ICE1: variants seen among roughly 807,000 people sequenced by gnomAD.
The protein encoded by ICE1 is little elongation complex subunit 1.
A neutral mutation model predicts 192.7 loss-of-function variants in ICE1; 64 were observed. The observed-to-expected ratio is 0.33, with a 90% confidence interval of 0.27 to 0.41. The LOEUF is 0.41. Ranked by LOEUF, ICE1 falls within the 10% of genes least tolerant of loss-of-function variation. The pLI is 1.00. For synonymous variants in ICE1, 1,010 were observed against 984.5 expected (o/e 1.03, Z -0.49); for missense variants, 2,708 against 2,696.0 (o/e 1.00, Z -0.10).
chr5:5,452,024 C>A (rs1579554988), intron 10 of ICE1, among the ~76,000 whole-genome samples: 1 of 151,966 alleles, frequency 6.6e-6, no homozygotes, highest in East Asian at 1.9e-4. Flanking sequence ...ATGTTGTGAT[C>A]ATCTCAATTC....
At position 5,475,629 on chromosome 5, in the gene ICE1, CAG is replaced by C. The variant is rs1027556700; in HGVS notation, c.6414-343_6414-342del. 1.3e-4 allele frequency among the ~76,000 whole-genome samples: 20 copies of C among 152,312 alleles called. No homozygotes were observed. In the East Asian group the frequency reaches 2.1e-3, roughly 16 times the overall value. ...GCCGGATAACTTGGCTTCTAAAACA[CAG>C]GGGCTGCTTTTGCACCTGGAGAGTC... On this transcript the variant is annotated intron_variant, in intron 16 of 18. Transcript: ENST00000296564.
chr5:5,468,568 G>A (rs1167614002), intron 14 of ICE1, among the ~76,000 whole-genome samples: 2 of 152,164 alleles, frequency 1.3e-5, no homozygotes, highest in Non-Finnish European at 2.9e-5. Context: ...CAAAACCTAT[G>A]TAATGCAAAA....
rs747811719 is a variant in ICE1 at position 5,465,143 on chromosome 5, G to A, written c.5809G>A (p.Val1937Met). The change falls in exon 13 of 19, where the codon GTG becomes ATG. Residue 1937 changes from valine (V) to methionine (M), a missense_variant. By Grantham distance (21) the Val-to-Met change is conservative. Around this residue, in one of 2 missense-constraint regions of ICE1, gnomAD observed 342 missense variants for 419.3 expected, o/e 0.82. Transcript: ENST00000296564. Reference sequence around the variant, plus strand: ...TCTGTTACCTGTCATTCGTAGTCATGTGTATGTGGGAAATATCTCCAAAAA... The same window carrying A: ...TCTGTTACCTGTCATTCGTAGTCATATGTATGTGGGAAATATCTCCAAAAA... ...FDLLPVIRSH[V>M]YVGNISKKPV... The A allele has an allele frequency of 3.7e-6, 6 of 1,610,048 alleles. No individual in the cohort carries two copies. Among genetic ancestry groups the A allele is most frequent in the South Asian group, 1.1e-5 (1 of 90,182 alleles).
chr5:5,473,057 C>A (rs1371813247), intron 15 of ICE1, among the ~76,000 whole-genome samples: 1 of 152,152 alleles, frequency 6.6e-6, no homozygotes. Flanking sequence ...TCAAACTACT[C>A]TTTCATGCAA....
chr5:5,463,344 C>A lies in ICE1; in HGVS notation c.4010C>A (p.Pro1337His), dbSNP rs748577184. Residue 1337 changes from proline (P) to histidine (H), a missense_variant, in exon 13 of 19, where the codon CCT becomes CAT. Coordinates refer to ENST00000296564, the MANE Select transcript of ICE1 (RefSeq NM_015325.3). The part of the protein sequence containing the change: ...TEGSSPISGM[P>H]QNENPQSRPE... Reference sequence around the variant, plus strand: ...GGCAGCTCTCCCATCAGCGGTATGCCTCAGAATGAAAACCCTCAGAGCAGA... The same window carrying A: ...GGCAGCTCTCCCATCAGCGGTATGCATCAGAATGAAAACCCTCAGAGCAGA... The A allele has an allele frequency of 6.2e-7, 1 of 1,613,718 alleles. No individual in the cohort carries two copies.
At chr5:5,450,351 G>A (rs1220750523) in intron 10 of ICE1, among the ~76,000 whole-genome samples, 1 of 152,172 alleles carries the variant, frequency 6.6e-6, no homozygotes, top group East Asian at 1.9e-4. Flanking sequence ...TGATCCTAGA[G>A]ACTGAATCCT....
chr5:5,425,244 C>G (rs1737486905), intron 1 of ICE1, among the ~76,000 whole-genome samples: 1 of 152,132 alleles, frequency 6.6e-6, no homozygotes, highest in Non-Finnish European at 1.5e-5. Flanking sequence ...TCCTTCTACC[C>G]TTGCCACATT....
Position 5,468,825 on chromosome 5 carries a change from T to C in ICE1, c.6062-3T>C. The C allele has an allele frequency of 6.4e-7, 1 of 1,553,048 alleles. No homozygotes were observed. Among genetic ancestry groups the C allele is most frequent in the Non-Finnish European group, 8.7e-7 (1 of 1,143,976 alleles). On this transcript the variant is annotated splice_region_variant and splice_polypyrimidine_tract_variant and intron_variant, in intron 14 of 18. Coordinates refer to ENST00000296564, the MANE Select transcript of ICE1 (RefSeq NM_015325.3). Reference sequence around the variant, plus strand: ...AGTTATTGTATTATTTTATTTCTGATAGATTTTCCGGAGTCTGAAAAATTA... The same window carrying C: ...AGTTATTGTATTATTTTATTTCTGACAGATTTTCCGGAGTCTGAAAAATTA...
At position 5,462,234 on chromosome 5, in the gene ICE1, A is replaced by C. The variant is rs1018776027; in HGVS notation, c.2900A>C (p.Gln967Pro). The change falls in exon 13 of 19, where the codon CAA (glutamine) becomes CCA (proline). Residue 967 changes from glutamine to proline, a missense_variant. This residue lies in a region of ICE1 where 2,366 missense variants were observed against 2,276.6 expected (regional missense o/e 1.04). Transcript: ENST00000296564. ...TTCTCTCCTGAAAATATCCTCATCC[A>C]AAACCAAGACATTGTGAGAGAAGCT... ...LSFSPENILI[Q>P]NQDIVREAAV... The C allele has an allele frequency of 6.2e-7, 1 of 1,611,366 alleles. No homozygotes were observed.
At chr5:5,487,868 C>T (rs1739674267) in intron 18 of ICE1, among the ~76,000 whole-genome samples, 1 of 152,118 alleles carries the variant, frequency 6.6e-6, no homozygotes, top group African/African-American at 2.4e-5. Context: ...TAACGGGATC[C>T]CCAAGACAGC....
At chr5:5,455,955 C>G (rs1455403542) in intron 11 of ICE1, among the ~76,000 whole-genome samples, 2 of 152,058 alleles carry the variant, frequency 1.3e-5, no homozygotes, top group Admixed American at 6.5e-5. Context: ...TCCAAAAGTT[C>G]CTGTTTTTTT....
intron 6 of ICE1, among the ~76,000 whole-genome samples, chr5:5,443,983 A>G (rs1738126597): frequency 6.6e-6 from 1 of 152,194 alleles, no homozygotes; most frequent in Non-Finnish European, 1.5e-5. Flanking sequence ...CTTAGAGACC[A>G]TCTAGAAACT....
At position 5,460,664 on chromosome 5, in the gene ICE1, A is replaced by G. The variant is rs1738741577; in HGVS notation, c.1330A>G (p.Thr444Ala). ...TAAAGTGACAACTTCTGGACTCGAG[A>G]CTTTCACAGCAACACTGAGAGAATC... is the stretch of plus-strand genomic sequence containing the variant. ...VNKVTTSGLETFTATLRESSA... is the reference protein window; with the variant it reads ...VNKVTTSGLEAFTATLRESSA... Residue 444 changes from threonine to alanine, a missense_variant, in exon 13 of 19, where the codon ACT becomes GCT. By Grantham distance (58) the Thr-to-Ala change is moderately conservative. Transcript: ENST00000296564. 6 of 1,613,854 alleles carry G rather than the reference A, an allele frequency of 3.7e-6. No homozygotes were observed. The highest frequency in any genetic ancestry group is 2.7e-5 in the African/African-American group (2 of 74,948).
chr5:5,469,655 A>T (rs933968939), intron 15 of ICE1, among the ~76,000 whole-genome samples: 32 of 152,250 alleles, frequency 2.1e-4, no homozygotes, highest in African/African-American at 7.2e-4. Context: ...CCCTGGGCTT[A>T]TGTGTGGAGC....
chr5:5,475,465 AAG>A (rs1429015255), intron 16 of ICE1, among the ~76,000 whole-genome samples: 1 of 152,024 alleles, frequency 6.6e-6, no homozygotes, highest in Middle Eastern at 3.2e-3. Flanking sequence ...ACAGATGACA[AAG>A]AGGAATTGGC....
chr5:5,454,309 C>T (rs979637192), intron 10 of ICE1, among the ~76,000 whole-genome samples: 9 of 152,172 alleles, frequency 5.9e-5, no homozygotes, highest in African/African-American at 2.2e-4. Flanking sequence ...AATCCCCTGC[C>T]TCTGCCACCA....
In ICE1 at chr5:5,489,457, G is replaced by C; in HGVS notation, c.*127G>C. On this transcript the variant is annotated 3_prime_UTR_variant, in exon 19 of 19. Coordinates refer to ENST00000296564, the MANE Select transcript of ICE1 (RefSeq NM_015325.3). ...CATAAAATAGATAAAACAGACCAGA[G>C]GCTCTCCTTATTGTTTGGCAAGGAG... is the stretch of plus-strand genomic sequence containing the variant. The C allele has an allele frequency of 1.2e-6, 1 of 803,882 alleles. No homozygotes were observed. Among genetic ancestry groups the C allele is most frequent in the Middle Eastern group, 3.8e-4 (1 of 2,648 alleles). The allele number at this position is 803,882 out of a possible 1,614,324, so 49.8% of individuals were successfully genotyped here. A position where few individuals can be genotyped will look rare whatever the true frequency, so the allele number is the denominator to read the frequency against.
intron 11 of ICE1, among the ~76,000 whole-genome samples, chr5:5,456,173 T>A (rs964696381): frequency 1.3e-5 from 2 of 152,210 alleles, no homozygotes; most frequent in Non-Finnish European, 2.9e-5. Context: ...ATCACTGGGC[T>A]CTAACCTTGA....
At chr5:5,429,006 GC>G (rs1737614807) in intron 1 of ICE1, among the ~76,000 whole-genome samples, 1 of 152,156 alleles carries the variant, frequency 6.6e-6, no homozygotes, top group African/African-American at 2.4e-5. Context: ...TACAGGGAAA[GC>G]ATACAGAGTG....
Sources: allele counts gnomAD v4.1 joint callset (sites outside exome capture counted in the v4.1 genomes callset), GRCh38; gene constraint gnomAD v4.1.1; regional missense constraint gnomAD v4.1.1; transcripts MANE v1.5; gene names NCBI Gene and HGNC (gene_info 2026-07-23, HGNC 2026-07-21).